WSCD2: variants seen among roughly 807,000 people sequenced by gnomAD.
WSCD2 encodes sialate:O-sulfotransferase 2.
Under a neutral mutation model 55.7 loss-of-function variants are expected in WSCD2, and 28 were observed. The ratio of observed to expected loss-of-function variants is 0.50; its 90% CI spans 0.37 to 0.69. The LOEUF (loss-of-function observed/expected upper bound fraction) is 0.69, where lower values mean the gene tolerates loss of function less well. WSCD2 is among the 30% of genes least tolerant of loss of function. The pLI is 0.00. For missense variants in WSCD2, 616 were observed against 762.1 expected (o/e 0.81, Z 2.26); for synonymous variants, 301 against 301.9 (o/e 1.00, Z 0.03).
intron 1 of WSCD2, 52 bp downstream of exon 1, chr12:108,129,978 G>A (rs772119877): frequency 3.3e-5 from 5 of 152,324 alleles, no homozygotes; most frequent in African/African-American, 4.8e-5. Flanking sequence ...AGGGAGCCGG[G>A]CGCGGAGCTG....
intron 8 of WSCD2, among the ~76,000 whole-genome samples, chr12:108,246,055 T>C (rs1327096971): frequency 6.6e-6 from 1 of 152,200 alleles, no homozygotes; most frequent in Non-Finnish European, 1.5e-5. Flanking sequence ...GTACAGGCAG[T>C]GGGAGGAAGT....
intron 6 of WSCD2, among the ~76,000 whole-genome samples, chr12:108,228,692 C>T (rs1888404172): frequency 6.6e-6 from 1 of 152,216 alleles, no homozygotes; most frequent in Non-Finnish European, 1.5e-5. Flanking sequence ...GGAGTGGGCA[C>T]CTTTTTCTGA....
At chr12:108,216,252 C>G (rs1043549135) in intron 4 of WSCD2, among the ~76,000 whole-genome samples, 1 of 152,110 alleles carries the variant, frequency 6.6e-6, no homozygotes, top group Non-Finnish European at 1.5e-5. Flanking sequence ...TCTCTGCCTA[C>G]AAAATAGGAT....
chr12:108,135,370 C>T (rs1876081672), intron 1 of WSCD2, among the ~76,000 whole-genome samples: 1 of 152,212 alleles, frequency 6.6e-6, no homozygotes, highest in Admixed American at 6.5e-5. Flanking sequence ...AGCTGGGTTC[C>T]AGTCCAGACT....
At chr12:108,222,112 T>TC (rs1593070619) in intron 4 of WSCD2, among the ~76,000 whole-genome samples, 2 of 151,856 alleles carry the variant, frequency 1.3e-5, no homozygotes, top group African/African-American at 4.8e-5. Flanking sequence ...ATAAACACCT[T>TC]CCCCCCACCC....
At chr12:108,247,094 T>C (rs1890147767) in intron 8 of WSCD2, among the ~76,000 whole-genome samples, 1 of 152,176 alleles carries the variant, frequency 6.6e-6, no homozygotes, top group Non-Finnish European at 1.5e-5. Flanking sequence ...AAAAACTTAG[T>C]ACTTAAAAGC....
intron 4 of WSCD2, among the ~76,000 whole-genome samples, chr12:108,215,446 C>T (rs1422454489): frequency 6.6e-6 from 1 of 152,164 alleles, no homozygotes; most frequent in East Asian, 1.9e-4. Context: ...TAGCACAGTG[C>T]CTGTTACAGA....
chr12:108,221,628 G>C (rs1020456043), intron 4 of WSCD2, among the ~76,000 whole-genome samples: 5 of 152,198 alleles, frequency 3.3e-5, no homozygotes, highest in African/African-American at 1.2e-4. Context: ...ATCTGGATGT[G>C]CATGTGCTCA....
chr12:108,189,572 C>T (rs2137026779), intron 1 of WSCD2: 1 of 152,252 alleles, frequency 6.6e-6, no homozygotes, highest in African/African-American at 2.4e-5. Context: ...TACAGATCTA[C>T]CAAACTGACC....
At chr12:108,203,727 T>C (rs906904420) in intron 2 of WSCD2, among the ~76,000 whole-genome samples, 1 of 152,262 alleles carries the variant, frequency 6.6e-6, no homozygotes, top group Non-Finnish European at 1.5e-5. Flanking sequence ...CACTGTTCCA[T>C]AGGTAGCCGA....
At chr12:108,247,239 T>C (rs1430112335) in intron 8 of WSCD2, among the ~76,000 whole-genome samples, 1 of 151,866 alleles carries the variant, frequency 6.6e-6, no homozygotes. Flanking sequence ...TGGTGATACC[T>C]CTTAAGGTTG....
intron 2 of WSCD2, among the ~76,000 whole-genome samples, chr12:108,201,007 G>T (rs555402563): frequency 6.6e-6 from 1 of 152,308 alleles, no homozygotes; most frequent in East Asian, 1.9e-4. Flanking sequence ...TTCCTTCTGT[G>T]CCAGACCCTG....
rs1380565625 is a variant in WSCD2, at chr12:108,195,495, A to G, written c.-338A>G. ...CCCTCAGAAACCTTCTCCAAGTGCT[A>G]TTCTCACAGTTCTTTAGGAACACTC... On this transcript the variant is annotated 5_prime_UTR_variant, in exon 2 of 9. Transcript: ENST00000547525. 8.2e-6 allele frequency: 2 copies of G among 244,434 alleles called. No individual in the cohort carries two copies. The highest frequency in any genetic ancestry group is 1.9e-4 in the East Asian group (2 of 10,668). 15.1% of individuals were successfully genotyped at this position (244,434 alleles called of 1,614,324 possible).
chr12:108,194,845 G>A, intron 1 of WSCD2, among the ~76,000 whole-genome samples: 1 of 151,992 alleles, frequency 6.6e-6, no homozygotes, highest in South Asian at 2.1e-4. Context: ...TGTTTGTTGG[G>A]AAAAAAAATG....
intron 1 of WSCD2, among the ~76,000 whole-genome samples, chr12:108,167,799 A>G (rs1221964999): frequency 1.3e-5 from 2 of 152,142 alleles, no homozygotes; most frequent in South Asian, 2.1e-4. Flanking sequence ...TTCTGAACCA[A>G]TCGCTGTGGT....
chr12:108,242,685 TG>T (rs1178702656), intron 8 of WSCD2, among the ~76,000 whole-genome samples: 2 of 152,198 alleles, frequency 1.3e-5, no homozygotes, highest in Non-Finnish European at 2.9e-5. Flanking sequence ...GGTAAACGTG[TG>T]CCGTGGTGGT....
chr12:108,191,833 A>G (rs1432222413), intron 1 of WSCD2, among the ~76,000 whole-genome samples: 3 of 152,132 alleles, frequency 2.0e-5, no homozygotes, highest in Admixed American at 2.0e-4. Flanking sequence ...GAGCTCTGAA[A>G]GTGGGGGGTG....
At chr12:108,198,345 C>T (rs751901359) in intron 2 of WSCD2, among the ~76,000 whole-genome samples, 1 of 152,184 alleles carries the variant, frequency 6.6e-6, no homozygotes, top group Non-Finnish European at 1.5e-5. Context: ...ACCTCTACAT[C>T]GTTAGCTCTA....
chr12:108,210,298 C>G lies in WSCD2; in HGVS notation c.675C>G (p.Ala225=). ...VYRLQLAQES[A]RRYGSAVFRG... ...GGCTGCAGCTGGCCCAGGAGTCGGC[C>G]CGCAGGTGTACGTGAGTCTGCCCTG... Residue 225 remains alanine (A), a synonymous_variant, in exon 4 of 9, where the codon GCC becomes GCG. Transcript: ENST00000547525. The surrounding 1 kb of genome is among the most constrained non-coding windows in gnomAD (Gnocchi z 4.3). The G allele has an allele frequency of 6.3e-7, 1 of 1,582,516 alleles. No homozygotes were observed. Among genetic ancestry groups the G allele is most frequent in the East Asian group, 2.3e-5 (1 of 43,112 alleles).
Sources: allele counts gnomAD v4.1 joint callset (sites outside exome capture counted in the v4.1 genomes callset), GRCh38; gene constraint gnomAD v4.1.1; non-coding constraint Gnocchi (gnomAD v3.1); transcripts MANE v1.5; gene names NCBI Gene and HGNC (gene_info 2026-07-23, HGNC 2026-07-21).